Variants in LRMDA observed in about 807,000 individuals in gnomAD.
LRMDA encodes leucine-rich melanocyte differentiation-associated protein.
Under a neutral mutation model 29.8 loss-of-function variants are expected in LRMDA, and 18 were observed. That is an observed-to-expected ratio of 0.60 (90% CI 0.42 to 0.90). The LOEUF (loss-of-function observed/expected upper bound fraction) is 0.90, where lower values mean the gene tolerates loss of function less well. Among genes scored for constraint, LRMDA ranks in the 40% least tolerant of loss-of-function variants. The pLI, the probability that LRMDA is intolerant of heterozygous loss-of-function variation, is 0.00. For missense variants in LRMDA, 273 were observed against 273.9 expected (o/e 1.00, Z 0.02); for synonymous variants, 125 against 109.4 (o/e 1.14, Z -0.89).
chr10:75,551,801 G>A (rs1383726459), intron 2 of LRMDA, among the ~76,000 whole-genome samples: 1 of 152,136 alleles, frequency 6.6e-6, no homozygotes, highest in East Asian at 1.9e-4. Context: ...CACTTTGGGA[G>A]GCTTAGGTGA....
rs759651873 is a variant in LRMDA, at chr10:76,279,539, C to CTTTT, written c.517-44842_517-44839dup. ...GATTAAAAACTAATAACAAATGCTT[C>CTTTT]TTTTTTTTTTTTTTTTTTTTTTTGA... On this transcript the variant is annotated intron_variant, in intron 5 of 6. Coordinates refer to ENST00000611255, the MANE Select transcript of LRMDA (RefSeq NM_001305581.2). Among the ~76,000 whole-genome samples the CTTTT allele has an allele frequency of 1.5e-3, 144 of 93,792 alleles. 3 individuals carry two copies. The highest frequency in any genetic ancestry group is 4.0e-3 in the African/African-American group (99 of 24,740). The allele number at this position is 93,792 out of a possible 152,430, so 61.5% of individuals were successfully genotyped here.
intron 2 of LRMDA, among the ~76,000 whole-genome samples, chr10:75,998,698 A>T (rs1177427887): frequency 6.6e-6 from 1 of 152,248 alleles, no homozygotes; most frequent in Non-Finnish European, 1.5e-5. Flanking sequence ...GCAGGCAGAC[A>T]TTAGAGATTA....
At chr10:76,006,558 C>T (rs1011478702) in intron 2 of LRMDA, among the ~76,000 whole-genome samples, 2 of 152,234 alleles carry the variant, frequency 1.3e-5, no homozygotes, top group Admixed American at 1.3e-4. Flanking sequence ...TTCACAGACA[C>T]ATAAATATTT....
At chr10:76,193,599 G>A (rs1040667577) in intron 5 of LRMDA, among the ~76,000 whole-genome samples, 14 of 152,154 alleles carry the variant, frequency 9.2e-5, no homozygotes, top group African/African-American at 3.4e-4. Context: ...AAGAGAAGAA[G>A]CTAAGATGAA....
intron 5 of LRMDA, among the ~76,000 whole-genome samples, chr10:76,152,984 G>A (rs1025789078): frequency 2.6e-5 from 4 of 151,998 alleles, no homozygotes; most frequent in Admixed American, 1.3e-4. Flanking sequence ...GGGATTATAG[G>A]CATCCGCCAC....
chr10:75,974,821 G>A (rs1163187452), intron 2 of LRMDA, among the ~76,000 whole-genome samples: 1 of 152,182 alleles, frequency 6.6e-6, no homozygotes, highest in East Asian at 1.9e-4. Context: ...CATAGTGAGA[G>A]TTTACTAAAT....
chr10:76,220,544 A>G (rs1851812640), intron 5 of LRMDA, among the ~76,000 whole-genome samples: 1 of 152,262 alleles, frequency 6.6e-6, no homozygotes, highest in African/African-American at 2.4e-5. Context: ...ATTCCTTGAC[A>G]CATACACCCT....
In LRMDA at chr10:75,505,611, C is replaced by T. The variant is rs542341645; in HGVS notation, c.131+67117C>T. ...CTCCCTTGACTTCCCTCCATGAACC[C>T]TTTATTCTACCACTTCATGTACTTG... On this transcript the variant is annotated intron_variant, in intron 2 of 6. Transcript: ENST00000611255. 3.5e-4 allele frequency among the ~76,000 whole-genome samples: 53 copies of T among 152,298 alleles called. 1 individual carries two copies. The highest frequency in any genetic ancestry group is 8.5e-4 in the Admixed American group (13 of 15,294).
intron 2 of LRMDA, among the ~76,000 whole-genome samples, chr10:75,594,642 C>G (rs1840764581): frequency 6.6e-6 from 1 of 152,116 alleles, no homozygotes; most frequent in African/African-American, 2.4e-5. Context: ...CTTTGTCAGC[C>G]CTGAAGTTCT....
chr10:76,357,552 C>T (rs1028263350), intron 6 of LRMDA, among the ~76,000 whole-genome samples: 3 of 152,218 alleles, frequency 2.0e-5, no homozygotes, highest in South Asian at 2.1e-4. Context: ...TTTTTAGAGC[C>T]GGAGTTTCTA....
intron 2 of LRMDA, among the ~76,000 whole-genome samples, chr10:75,866,477 T>C (rs1845022365): frequency 6.6e-6 from 1 of 152,214 alleles, no homozygotes; most frequent in South Asian, 2.1e-4. Flanking sequence ...TTGGTAGCAA[T>C]GAAGATTGCT....
chr10:75,973,986 C>T (rs576983144), intron 2 of LRMDA, among the ~76,000 whole-genome samples: 3 of 152,220 alleles, frequency 2.0e-5, no homozygotes, highest in East Asian at 3.9e-4. Context: ...TCTGAGCTCT[C>T]CTGTCAGGGC....
chr10:76,263,506 T>G (rs1186960575), intron 5 of LRMDA, among the ~76,000 whole-genome samples: 1 of 152,196 alleles, frequency 6.6e-6, no homozygotes, highest in African/African-American at 2.4e-5. Flanking sequence ...CCTTTTAGAC[T>G]CAATAAGATA....
chr10:75,528,236 C>T (rs1845436806), intron 2 of LRMDA, among the ~76,000 whole-genome samples: 1 of 152,200 alleles, frequency 6.6e-6, no homozygotes, highest in African/African-American at 2.4e-5. Flanking sequence ...GAAAATATCT[C>T]TGAAAGTTGT....
At chr10:76,364,187 T>A (rs966364084) in intron 6 of LRMDA, among the ~76,000 whole-genome samples, 2 of 152,088 alleles carry the variant, frequency 1.3e-5, no homozygotes, top group Admixed American at 6.6e-5. Flanking sequence ...CATAAGGGCC[T>A]AGGAGAGTGC....
At chr10:75,750,502 G>A (rs1442941728) in intron 2 of LRMDA, among the ~76,000 whole-genome samples, 2 of 138,074 alleles carry the variant, frequency 1.4e-5, no homozygotes, top group Admixed American at 1.5e-4. Flanking sequence ...GGGGGCAGAG[G>A]GGGTCCTCAC....
intron 6 of LRMDA, among the ~76,000 whole-genome samples, chr10:76,455,398 C>T (rs920535374): frequency 3.9e-5 from 6 of 152,186 alleles, no homozygotes; most frequent in Non-Finnish European, 7.3e-5. Flanking sequence ...TCACCTCTTC[C>T]TGCAAGGTCC....
intron 2 of LRMDA, among the ~76,000 whole-genome samples, chr10:75,614,852 A>C (rs2132101888): frequency 6.6e-6 from 1 of 152,148 alleles, no homozygotes; most frequent in South Asian, 2.1e-4. Context: ...GACACCAGCA[A>C]GATAGGAGGC....
intron 2 of LRMDA, among the ~76,000 whole-genome samples, chr10:75,530,718 A>G (rs1167862584): frequency 6.6e-6 from 1 of 152,190 alleles, no homozygotes; most frequent in African/African-American, 2.4e-5. Flanking sequence ...AGACTGGGGA[A>G]GAACATGGGG....
Sources: allele counts gnomAD v4.1 joint callset (sites outside exome capture counted in the v4.1 genomes callset), GRCh38; gene constraint gnomAD v4.1.1; transcripts MANE v1.5; gene names NCBI Gene and HGNC (gene_info 2026-07-23, HGNC 2026-07-21).